ARHGAP29: variants seen among roughly 807,000 people sequenced by gnomAD.
ARHGAP29 encodes Rho GTPase activating protein 29.
A neutral mutation model predicts 122.6 loss-of-function variants in ARHGAP29; 43 were observed. That is an observed-to-expected ratio of 0.35 (90% CI 0.27 to 0.45). The LOEUF is 0.45. Ranked by LOEUF, ARHGAP29 falls within the 20% of genes least tolerant of loss-of-function variation. The pLI is 1.00. For missense variants in ARHGAP29, 1,303 were observed against 1,477.2 expected, an observed-to-expected ratio of 0.88 and a Z score of 1.93; for synonymous variants, 506 against 497.1, an observed-to-expected ratio of 1.02 and a Z score of -0.24.
chr1:94,285,460 G>A, the ARHGAP29 span, among the ~76,000 whole-genome samples: 1 of 152,126 alleles, frequency 6.6e-6, no homozygotes, highest in African/African-American at 2.4e-5. Flanking sequence ...AGCTCAGGAA[G>A]CTATGGATAT....
At chr1:94,220,072 A>G (rs1189810973) in intron 3 of ARHGAP29, among the ~76,000 whole-genome samples, 186 bp downstream of exon 3, 1 of 152,246 alleles carries the variant, frequency 6.6e-6, no homozygotes, top group African/African-American at 2.4e-5. Context: ...GTTAGTTTTT[A>G]AAAGGAAGAA....
intron 1 of ARHGAP29, among the ~76,000 whole-genome samples, chr1:94,256,779 C>T (rs1454940937): frequency 1.3e-5 from 2 of 151,478 alleles, no homozygotes; most frequent in African/African-American, 4.8e-5. Context: ...AGGATGGTCT[C>T]GATCTCCTGA....
rs568556160 is a variant in ARHGAP29 at position 94,171,077 on chromosome 1, A to C, written c.*2792T>G. Among the ~76,000 whole-genome samples the C allele has an allele frequency of 2.0e-5, 3 of 152,176 alleles. No individual in the cohort carries two copies. The highest frequency in any genetic ancestry group is 4.4e-5 in the Non-Finnish European group (3 of 68,020). On this transcript the variant is annotated 3_prime_UTR_variant, in exon 23 of 23. Transcript: ENST00000260526. Reference sequence around the variant, plus strand: ...AAAAACCCACAGAATTCCACTGACTATAAGTTATTTAACAATATACAATGG... The same window carrying C: ...AAAAACCCACAGAATTCCACTGACTCTAAGTTATTTAACAATATACAATGG...
intron 15 of ARHGAP29, among the ~76,000 whole-genome samples, chr1:94,188,273 G>A (rs1431139499): frequency 6.6e-6 from 1 of 152,068 alleles, no homozygotes; most frequent in African/African-American, 2.4e-5. Flanking sequence ...GTATCTTAAA[G>A]CACATTTGTA....
the ARHGAP29 span, among the ~76,000 whole-genome samples, chr1:94,306,696 C>T: frequency 6.6e-6 from 1 of 152,152 alleles, no homozygotes; most frequent in Non-Finnish European, 1.5e-5. Context: ...AATCTCCAAA[C>T]TGCCAAATGG....
intron 12 of ARHGAP29, among the ~76,000 whole-genome samples, chr1:94,198,106 G>T (rs1387052797): frequency 1.3e-5 from 2 of 152,150 alleles, no homozygotes; most frequent in Admixed American, 1.3e-4. Flanking sequence ...TCTACAAAAA[G>T]CTCCCAAGAG....
chr1:94,224,795 T>C (rs1570570282), intron 2 of ARHGAP29, among the ~76,000 whole-genome samples: 2 of 152,206 alleles, frequency 1.3e-5, no homozygotes, highest in Non-Finnish European at 1.5e-5. Flanking sequence ...GCAGCACAAA[T>C]GGTCTACGAA....
intron 5 of ARHGAP29, 90 bp from the exon 6 acceptor site, chr1:94,205,773 A>G (rs1651151398): frequency 9.1e-7 from 1 of 1,092,898 alleles, no homozygotes; most frequent in Non-Finnish European, 1.4e-6. Flanking sequence ...TTACTCTGAC[A>G]TAATTCCTGC....
chr1:94,284,894 G>A, the ARHGAP29 span, among the ~76,000 whole-genome samples: 1 of 152,204 alleles, frequency 6.6e-6, no homozygotes, highest in Non-Finnish European at 1.5e-5. Flanking sequence ...AGGAATGTAT[G>A]GTGGTTGCCC....
chr1:94,275,973 T>C (rs982248663), upstream of ARHGAP29, among the ~76,000 whole-genome samples: 25 of 151,772 alleles, frequency 1.6e-4, no homozygotes, highest in African/African-American at 5.8e-4. Flanking sequence ...AAAAAAGTTT[T>C]GGGGCCGGGA....
chr1:94,281,905 C>T, the ARHGAP29 span, among the ~76,000 whole-genome samples: 1 of 152,092 alleles, frequency 6.6e-6, no homozygotes, highest in Non-Finnish European at 1.5e-5. Context: ...ACTGAGACTC[C>T]TGCATGGGAC....
Position 94,185,582 on chromosome 1 carries a change from T to C in ARHGAP29, c.1781-101A>G, listed in dbSNP as rs367630241. The C allele has an allele frequency of 2.8e-6, 3 of 1,057,216 alleles. No individual in the cohort carries two copies. The East Asian group carries it at 9.1e-5, about 32-fold the overall frequency. The allele number at this position is 1,057,216 out of a possible 1,614,324, so 65.5% of individuals were successfully genotyped here. On this transcript the variant is annotated intron_variant, in intron 16 of 22. Transcript: ENST00000260526. ...TCTTTAAACCCTGTAATCATTCATATATTATAAAAAGCTTTGAATCTCTAA... is the reference window on the plus strand; with the variant it reads ...TCTTTAAACCCTGTAATCATTCATACATTATAAAAAGCTTTGAATCTCTAA...
intron 1 of ARHGAP29, among the ~76,000 whole-genome samples, chr1:94,274,240 T>G (rs1655102239): frequency 6.6e-6 from 1 of 152,192 alleles, no homozygotes; most frequent in Non-Finnish European, 1.5e-5. Flanking sequence ...CCAACTCTGT[T>G]GTCGTATCGT....
intron 22 of ARHGAP29, among the ~76,000 whole-genome samples, chr1:94,176,320 T>C (rs1649092238): frequency 6.6e-6 from 1 of 152,212 alleles, no homozygotes. Flanking sequence ...CTTAAAATTA[T>C]CTTGTATGTA....
rs756691020 is a variant in ARHGAP29 at position 94,231,467 on chromosome 1, C to G, written c.145G>C (p.Val49Leu). Residue 49 changes from valine to leucine, a missense_variant, in exon 2 of 23, where the codon GTG becomes CTG. Around this residue, in one of 3 missense-constraint regions of ARHGAP29, gnomAD observed 592 missense variants for 648.2 expected, o/e 0.91. Coordinates refer to ENST00000260526, the MANE Select transcript of ARHGAP29 (RefSeq NM_004815.4). ...TGGGAGAACTTCCTGATATCATTCA[C>G]CAACTCCTTGATGTAATCCGGATCA... is the stretch of plus-strand genomic sequence containing the variant. ...IFDPDYIKELVNDIRKFSHML... is the reference protein window; with the variant it reads ...IFDPDYIKELLNDIRKFSHML... 1.2e-6 allele frequency: 2 copies of G among 1,613,758 alleles called. No homozygotes were observed. Among genetic ancestry groups the G allele is most frequent in the Non-Finnish European group, 1.7e-6 (2 of 1,179,722 alleles).
Position 94,181,085 on chromosome 1 carries a change from A to T in ARHGAP29, c.2248-1128T>A, listed in dbSNP as rs148215639. On this transcript the variant is annotated intron_variant, in intron 19 of 22. Coordinates refer to ENST00000260526, the MANE Select transcript of ARHGAP29 (RefSeq NM_004815.4). ...AATACAGTAAGCCCACAGGACTGAG[A>T]GAATAGGAGAGGAGACAAAAGCATT... Among the ~76,000 whole-genome samples, 646 of 152,326 alleles carry T rather than the reference A, an allele frequency of 4.2e-3. 6 individuals are homozygous for T. The highest frequency in any genetic ancestry group is 4.9e-3 in the Non-Finnish European group (334 of 68,032).
chr1:94,212,165 C>T (rs1651665279), intron 3 of ARHGAP29, among the ~76,000 whole-genome samples: 2 of 152,116 alleles, frequency 1.3e-5, no homozygotes, highest in South Asian at 4.1e-4. Flanking sequence ...TGTAATCAAT[C>T]CCACCTACTC....
intron 1 of ARHGAP29, among the ~76,000 whole-genome samples, chr1:94,244,647 T>TA (rs895449464): frequency 3.3e-5 from 5 of 151,360 alleles, no homozygotes; most frequent in African/African-American, 1.2e-4. Flanking sequence ...GTTGGGGACT[T>TA]AAAAAAAAAT....
the ARHGAP29 span, chr1:94,302,114 G>T: frequency 3.6e-6 from 1 of 278,236 alleles, no homozygotes; most frequent in Non-Finnish European, 7.0e-6. Context: ...TTTAACTCTG[G>T]CAAAGTGGAT....
Sources: gnomAD v4.1 joint callset for allele counts (sites outside exome capture counted in the v4.1 genomes callset) on GRCh38, gnomAD v4.1.1 for gene constraint, gnomAD v4.1.1 regional missense constraint, MANE v1.5 for transcripts, NCBI Gene and HGNC (gene_info 2026-07-23, HGNC 2026-07-21) for gene names.